The following ZGRF1 variants were observed in gnomAD, a reference collection of about 807,000 sequenced individuals.
ZGRF1 encodes the protein zinc finger GRF-type containing 1, also known as 5'-3' DNA helicase ZGRF1.
A neutral mutation model predicts 203.5 loss-of-function variants in ZGRF1; 196 were observed. The observed-to-expected ratio is 0.96, with a 90% CI of 0.86 to 1.08. The LOEUF is 1.08. ZGRF1 is among the 50% of genes least tolerant of loss of function. The pLI is 0.00. For missense variants in ZGRF1, 2,326 were observed against 2,416.3 expected (o/e 0.96, Z 0.78); for synonymous variants, 809 against 841.3 (o/e 0.96, Z 0.66).
chr4:112,610,319 G>C (rs931782803), intron 7 of ZGRF1, among the ~76,000 whole-genome samples: 2 of 151,736 alleles, frequency 1.3e-5, no homozygotes, highest in Non-Finnish European at 2.9e-5. Flanking sequence ...GCCTATAATC[G>C]CAGCACTTTG....
rs867438435 is a variant in ZGRF1 at position 112,548,894 on chromosome 4, C to T, written c.5347-514G>A. ...CTTTGGGAGGCCGAGGCGGGCGGAT[C>T]ACGAGGTCAGGAGATCGAGACCATC... On this transcript the variant is annotated intron_variant, in intron 22 of 27. Coordinates refer to ENST00000505019, the MANE Select transcript of ZGRF1 (RefSeq NM_018392.5). 3.8e-3 allele frequency among the ~76,000 whole-genome samples: 98 copies of T among 25,700 alleles called. 43 individuals carry two copies. The South Asian group carries it at 0.27, about 72-fold the overall frequency. The allele number at this position is 25,700 out of a possible 152,430, so 16.9% of individuals were successfully genotyped here. A position where few individuals can be genotyped will look rare whatever the true frequency, so the allele number is the denominator to read the frequency against.
intron 17 of ZGRF1, among the ~76,000 whole-genome samples, chr4:112,562,851 A>T (rs765663331): frequency 6.6e-6 from 1 of 152,196 alleles, no homozygotes; most frequent in Non-Finnish European, 1.5e-5. Flanking sequence ...TAATTTTTAA[A>T]CACTTTCTTG....
intron 24 of ZGRF1, 126 bp from the exon 25 acceptor site, chr4:112,541,394 A>G (rs1383410511): frequency 9.9e-6 from 4 of 405,048 alleles, no homozygotes; most frequent in African/African-American, 2.1e-5. Flanking sequence ...CAACCATGAT[A>G]GAATAGACTA....
intron 10 of ZGRF1, among the ~76,000 whole-genome samples, chr4:112,602,778 G>A (rs1750174758): frequency 6.6e-6 from 1 of 152,078 alleles, no homozygotes; most frequent in Non-Finnish European, 1.5e-5. Flanking sequence ...ACAAAAGAGG[G>A]CAGACACAAA....
At chr4:112,559,092 CA>C (rs1471249350) in intron 19 of ZGRF1, among the ~76,000 whole-genome samples, 1 of 152,204 alleles carries the variant, frequency 6.6e-6, no homozygotes, top group Non-Finnish European at 1.5e-5. Flanking sequence ...AAGGTAGGCA[CA>C]GGGGTAAATC....
chr4:112,549,113 CAAA>C (rs771730607), intron 22 of ZGRF1, among the ~76,000 whole-genome samples: 2 of 16,818 alleles, frequency 1.2e-4, no homozygotes, highest in African/African-American at 2.5e-4. Flanking sequence ...GACTCCGTCT[CAAA>C]AAAAAAAAAA....
chr4:112,571,970 C>T (rs919909649), intron 16 of ZGRF1, among the ~76,000 whole-genome samples: 1 of 152,064 alleles, frequency 6.6e-6, no homozygotes, highest in Non-Finnish European at 1.5e-5. Flanking sequence ...ACACACACAG[C>T]TACTTTAAAC....
intron 24 of ZGRF1, among the ~76,000 whole-genome samples, chr4:112,546,109 T>A (rs935584601): frequency 3.5e-5 from 5 of 141,950 alleles, no homozygotes; most frequent in Non-Finnish European, 7.6e-5. Context: ...TACCAATACA[T>A]GCTGCAACAT....
chr4:112,547,743 A>G (rs980466316), intron 23 of ZGRF1, among the ~76,000 whole-genome samples: 10 of 152,338 alleles, frequency 6.6e-5, no homozygotes, highest in African/African-American at 2.2e-4. Flanking sequence ...CTTAGGAGTC[A>G]TTTAGCTTAA....
chr4:112,542,185 T>G (rs1480665281), intron 24 of ZGRF1, among the ~76,000 whole-genome samples: 1 of 152,020 alleles, frequency 6.6e-6, no homozygotes, highest in Non-Finnish European at 1.5e-5. Context: ...CTACTAAAAA[T>G]TTAATAATTA....
intron 22 of ZGRF1, among the ~76,000 whole-genome samples, chr4:112,550,714 G>T (rs562922868): frequency 6.6e-6 from 1 of 152,240 alleles, no homozygotes; most frequent in South Asian, 2.1e-4. Context: ...TTAGCCAGGC[G>T]TAGTGGCAGG....
At chr4:112,630,277 G>C (rs1024059868) in intron 3 of ZGRF1, among the ~76,000 whole-genome samples, 1 of 152,178 alleles carries the variant, frequency 6.6e-6, no homozygotes, top group Non-Finnish European at 1.5e-5. Context: ...CAGCACTTTG[G>C]GAGGCCTAGG....
At chr4:112,543,531 T>A (rs1296202966) in intron 24 of ZGRF1, among the ~76,000 whole-genome samples, 1 of 152,158 alleles carries the variant, frequency 6.6e-6, no homozygotes, top group Non-Finnish European at 1.5e-5. Flanking sequence ...CCTTTTAGAA[T>A]TCCCCCAAAT....
chr4:112,596,573 C>T (rs1224744057), intron 10 of ZGRF1, among the ~76,000 whole-genome samples: 1 of 151,756 alleles, frequency 6.6e-6, no homozygotes, highest in African/African-American at 2.4e-5. Context: ...CACATGACAG[C>T]GAAATTTCAG....
chr4:112,555,582 T>C (rs1389990109), intron 20 of ZGRF1, among the ~76,000 whole-genome samples: 1 of 152,190 alleles, frequency 6.6e-6, no homozygotes, highest in Non-Finnish European at 1.5e-5. Context: ...CAGGCTGAAA[T>C]ACTAGTTTAC....
chr4:112,550,174 A>G (rs570238867), intron 22 of ZGRF1, among the ~76,000 whole-genome samples: 3 of 151,894 alleles, frequency 2.0e-5, no homozygotes, highest in Non-Finnish European at 4.4e-5. Context: ...CCTGGGCGAC[A>G]GAGCGAGACT....
intron 2 of ZGRF1, among the ~76,000 whole-genome samples, chr4:112,632,949 C>T (rs1175379047): frequency 2.0e-5 from 3 of 152,162 alleles, no homozygotes; most frequent in African/African-American, 7.2e-5. Context: ...GATAGGGTTA[C>T]CAGATAAAAT....
At chr4:112,634,708 T>C (rs2149223533) in intron 1 of ZGRF1, among the ~76,000 whole-genome samples, 1 of 151,952 alleles carries the variant, frequency 6.6e-6, no homozygotes, top group East Asian at 1.9e-4. Flanking sequence ...GTGACTGGCA[T>C]CTTCCCTTGA....
chr4:112,556,673 C>A (rs1740998448), intron 20 of ZGRF1, among the ~76,000 whole-genome samples: 1 of 152,142 alleles, frequency 6.6e-6, no homozygotes, highest in African/African-American at 2.4e-5. Flanking sequence ...GGAATACAGG[C>A]ATGAGCCAAC....
Sources: gnomAD v4.1 joint callset for allele counts (sites outside exome capture counted in the v4.1 genomes callset) on GRCh38, gnomAD v4.1.1 for gene constraint, MANE v1.5 for transcripts, NCBI Gene and HGNC (gene_info 2026-07-23, HGNC 2026-07-21) for gene names.